The following CADM1 variants were observed in gnomAD, a reference collection of about 807,000 sequenced individuals.
The protein encoded by CADM1 is cell adhesion molecule 1, also known as TSLC-1.
Under a neutral mutation model 53.1 loss-of-function variants are expected in CADM1, and 15 were observed. That is an observed-to-expected ratio of 0.28 (90% CI 0.19 to 0.44). The LOEUF (loss-of-function observed/expected upper bound fraction) is 0.44. CADM1 is among the 20% of genes least tolerant of loss of function. The pLI is 1.00. For missense variants in CADM1, 434 were observed against 611.3 expected, an observed-to-expected ratio of 0.71 and a Z score of 3.06; for synonymous variants, 281 against 243.0, an observed-to-expected ratio of 1.16 and a Z score of -1.45.
intron 1 of CADM1, among the ~76,000 whole-genome samples, chr11:115,262,199 G>A (rs1942996663): frequency 6.6e-6 from 1 of 150,908 alleles, no homozygotes; most frequent in African/African-American, 2.4e-5. Context: ...CCAACCCAAA[G>A]GGATTTGAGA....
chr11:115,189,966 G>A (rs943158694), intron 10 of CADM1, among the ~76,000 whole-genome samples: 1 of 152,122 alleles, frequency 6.6e-6, no homozygotes, highest in Non-Finnish European at 1.5e-5. Context: ...TCTCTCACCG[G>A]GTCAGACTTA....
chr11:115,278,193 T>C lies in CADM1; in HGVS notation c.125-37773A>G, dbSNP rs1943494474. ...CTGTAATAAAGGGAAAGAATAATAATACCCGCCCTGTGAACTAAGATGAGA... is the reference window on the plus strand; with the variant it reads ...CTGTAATAAAGGGAAAGAATAATAACACCCGCCCTGTGAACTAAGATGAGA... On this transcript the variant is annotated intron_variant, in intron 1 of 11. Transcript: ENST00000331581. Among the ~76,000 whole-genome samples the C allele has an allele frequency of 4.0e-5, 6 of 151,344 alleles. No individual in the cohort carries two copies. In the South Asian group the frequency reaches 1.3e-3, roughly 32 times the overall value.
At chr11:115,237,050 G>A (rs1942034136) in intron 3 of CADM1, among the ~76,000 whole-genome samples, 1 of 152,162 alleles carries the variant, frequency 6.6e-6, no homozygotes, top group South Asian at 2.1e-4. Context: ...AAACGATGAT[G>A]AGTCAAAGGG....
chr11:115,336,672 G>T (rs1945275945), intron 1 of CADM1, among the ~76,000 whole-genome samples: 1 of 152,012 alleles, frequency 6.6e-6, no homozygotes, highest in African/African-American at 2.4e-5. Flanking sequence ...TGATGTGTTT[G>T]TTCACAATTT....
At chr11:115,353,309 G>GAAC (rs1945784715) in intron 1 of CADM1, among the ~76,000 whole-genome samples, 1 of 152,180 alleles carries the variant, frequency 6.6e-6, no homozygotes, top group East Asian at 1.9e-4. Context: ...CCTGTGTTGG[G>GAAC]AATACTTTAC....
At chr11:115,345,881 T>A (rs1355390043) in intron 1 of CADM1, among the ~76,000 whole-genome samples, 2 of 152,204 alleles carry the variant, frequency 1.3e-5, no homozygotes, top group Admixed American at 6.5e-5. Flanking sequence ...TGATTTTTTT[T>A]AACTCTAAAT....
chr11:115,259,888 G>A (rs982757696), intron 1 of CADM1, among the ~76,000 whole-genome samples: 39 of 152,070 alleles, frequency 2.6e-4, no homozygotes, highest in African/African-American at 9.4e-4. Flanking sequence ...GCTCAGTCCT[G>A]TCTCCATCTC....
chr11:115,191,381 A>C (rs1939856046), intron 9 of CADM1, among the ~76,000 whole-genome samples: 1 of 152,244 alleles, frequency 6.6e-6, no homozygotes, highest in African/African-American at 2.4e-5. Context: ...GTTCATTATC[A>C]ATTTATGATG....
Position 115,178,723 on chromosome 11 carries a change from G to A in CADM1, c.1218C>T (p.Ile406=), listed in dbSNP as rs745860759. ...GSIRAVDHAV[I]GGVVAVVVFA... ...ACACCACCACCGCCACGACGCCACC[G>A]ATCACGGCATGATCCACTGCCCTGA... is the stretch of plus-strand genomic sequence containing the variant. The change falls in exon 11 of 12, where the codon ATC becomes ATT. Residue 406 remains isoleucine, a synonymous_variant. Coordinates refer to ENST00000331581, the MANE Select transcript of CADM1 (RefSeq NM_001301043.2). 6.8e-6 allele frequency: 11 copies of A among 1,613,884 alleles called. No homozygotes were observed. Among genetic ancestry groups the A allele is most frequent in the Admixed American group, 5.0e-5 (3 of 60,014 alleles).
In CADM1 at chr11:115,430,362, G is replaced by A. The variant is rs150973209; in HGVS notation, c.124+73909C>T. Among the ~76,000 whole-genome samples, 917 of 152,230 alleles carry A rather than the reference G, an allele frequency of 6.0e-3. 41 individuals are homozygous for A. Among genetic ancestry groups the A allele is most frequent in the Admixed American group, 0.054 (830 of 15,290 alleles). ...TAAGATTTACCTCAAAACTTCATTTGTTACTTTGAAAGGTTTTCTTCCTAT... is the reference window on the plus strand; with the variant it reads ...TAAGATTTACCTCAAAACTTCATTTATTACTTTGAAAGGTTTTCTTCCTAT... On this transcript the variant is annotated intron_variant, in intron 1 of 11. Coordinates refer to ENST00000331581, the MANE Select transcript of CADM1 (RefSeq NM_001301043.2).
intron 1 of CADM1, among the ~76,000 whole-genome samples, chr11:115,492,571 G>A (rs982035295): frequency 6.6e-6 from 1 of 151,916 alleles, no homozygotes; most frequent in African/African-American, 2.4e-5. Context: ...TACCCTCAGT[G>A]GGATCTATTT....
At chr11:115,327,559 A>C (rs1406734598) in intron 1 of CADM1, among the ~76,000 whole-genome samples, 1 of 152,036 alleles carries the variant, frequency 6.6e-6, no homozygotes, top group Non-Finnish European at 1.5e-5. Flanking sequence ...TGTTAGAATC[A>C]CCTATTCAGC....
At chr11:115,239,992 G>T (rs1051565189) in intron 2 of CADM1, among the ~76,000 whole-genome samples, 1 of 152,058 alleles carries the variant, frequency 6.6e-6, no homozygotes, top group African/African-American at 2.4e-5. Flanking sequence ...CTGTTGAGTT[G>T]TTTGTGTCAG....
intron 1 of CADM1, among the ~76,000 whole-genome samples, chr11:115,425,222 T>C (rs1190169435): frequency 6.6e-6 from 1 of 152,246 alleles, no homozygotes; most frequent in Non-Finnish European, 1.5e-5. Context: ...AATAAGTCTT[T>C]GATAATATAA....
At position 115,295,506 on chromosome 11, in the gene CADM1, TTATATATATATATATATATATATATA is replaced by T. The variant is rs71066412; in HGVS notation, c.125-55112_125-55087del. 9.8e-4 allele frequency among the ~76,000 whole-genome samples: 54 copies of T among 55,038 alleles called. 2 individuals are homozygous for T. The South Asian group carries it at 0.018, about 18-fold the overall frequency. The allele number at this position is 55,038 out of a possible 152,430, so 36.1% of individuals were successfully genotyped here. ...TACTATATGCTTTGATCAAGATATTTTATATATATATATATATATATATATATATATATATATATATATAATATATA... is the reference window on the plus strand; with the variant it reads ...TACTATATGCTTTGATCAAGATATTTTATATATATATATATATAATATATA... On this transcript the variant is annotated intron_variant, in intron 1 of 11. Coordinates refer to ENST00000331581, the MANE Select transcript of CADM1 (RefSeq NM_001301043.2).
At chr11:115,244,937 C>A (rs999251281) in intron 1 of CADM1, among the ~76,000 whole-genome samples, 11 of 152,208 alleles carry the variant, frequency 7.2e-5, no homozygotes, top group Non-Finnish European at 1.5e-4. Flanking sequence ...GCATGGCGGC[C>A]TTTTGCCAGC....
chr11:115,449,423 A>G (rs908850992), intron 1 of CADM1, among the ~76,000 whole-genome samples: 16 of 152,106 alleles, frequency 1.1e-4, no homozygotes, highest in Non-Finnish European at 2.2e-4. Flanking sequence ...CCCTGCCAAA[A>G]CCAATAAGCC....
At chr11:115,491,591 A>T (rs1949499081) in intron 1 of CADM1, among the ~76,000 whole-genome samples, 1 of 152,070 alleles carries the variant, frequency 6.6e-6, no homozygotes, top group Non-Finnish European at 1.5e-5. Context: ...TAAAAAATGA[A>T]TTCCTTCCAC....
intron 1 of CADM1, among the ~76,000 whole-genome samples, chr11:115,417,209 C>T (rs1947619522): frequency 6.6e-6 from 1 of 152,184 alleles, no homozygotes; most frequent in Non-Finnish European, 1.5e-5. Flanking sequence ...GTTATATCAC[C>T]TTGACAGTCA....
Sources: allele counts gnomAD v4.1 joint callset (sites outside exome capture counted in the v4.1 genomes callset), GRCh38; gene constraint gnomAD v4.1.1; transcripts MANE v1.5; gene names NCBI Gene and HGNC (gene_info 2026-07-23, HGNC 2026-07-21).